ROPN1L: variants seen among roughly 807,000 people sequenced by gnomAD.
The protein encoded by ROPN1L is rhophilin associated tail protein 1 like.
In ROPN1L, 23 loss-of-function variants were observed where a neutral mutation model predicts 22.7. The ratio of observed to expected loss-of-function variants is 1.01; its 90% CI spans 0.73 to 1.43. The LOEUF (loss-of-function observed/expected upper bound fraction) is 1.43, where lower values mean the gene tolerates loss of function less well. ROPN1L is among the 40% of genes most tolerant of loss of function. ROPN1L has a pLI of 0.00. For synonymous variants in ROPN1L, 116 were observed against 117.8 expected (o/e 0.98, Z 0.10); for missense variants, 271 against 291.5 (o/e 0.93, Z 0.51).
chr5:10,443,573 G>A (rs938505993), intron 1 of ROPN1L, among the ~76,000 whole-genome samples: 37 of 151,452 alleles, frequency 2.4e-4, no homozygotes, highest in African/African-American at 9.0e-4. Flanking sequence ...AGTGAGCCGA[G>A]ATTGCGCCAC....
intron 2 of ROPN1L, among the ~76,000 whole-genome samples, chr5:10,448,866 C>A (rs2278354): frequency 0.71 from 107,553 of 152,100 alleles, 41,624 homozygotes; most frequent in Non-Finnish European, 0.88. Context: ...AGCCTGGGCC[C>A]CCTTCCTGCC....
intron 4 of ROPN1L, chr5:10,471,744 C>T (rs1195334001): frequency 1.3e-5 from 2 of 152,472 alleles, no homozygotes; most frequent in Non-Finnish European, 2.9e-5. Flanking sequence ...CACATCCCCC[C>T]AGGGAGGTGA....
chr5:10,478,486 G>A, the ROPN1L span, among the ~76,000 whole-genome samples: 1 of 152,148 alleles, frequency 6.6e-6, no homozygotes, highest in Non-Finnish European at 1.5e-5. Context: ...CTGGGGGTGG[G>A]GGTCCTTCCT....
chr5:10,470,510 C>T (rs1354523343), intron 4 of ROPN1L, among the ~76,000 whole-genome samples: 2 of 152,196 alleles, frequency 1.3e-5, no homozygotes, highest in Non-Finnish European at 2.9e-5. Flanking sequence ...CCCGTTCTGG[C>T]TTTTGGTAAG....
chr5:10,451,624 C>T (rs898448366), intron 3 of ROPN1L, among the ~76,000 whole-genome samples: 4 of 152,230 alleles, frequency 2.6e-5, no homozygotes, highest in African/African-American at 4.8e-5. Context: ...GCGCAGTTCA[C>T]CAGCTCTGCA....
At chr5:10,464,324 A>G (rs1043888487) in intron 4 of ROPN1L, among the ~76,000 whole-genome samples, 1 of 152,130 alleles carries the variant, frequency 6.6e-6, no homozygotes, top group Admixed American at 6.5e-5. Context: ...CTGCAGTCAC[A>G]TGGACGACAC....
At chr5:10,479,218 G>A in the ROPN1L span, among the ~76,000 whole-genome samples, 1 of 152,168 alleles carries the variant, frequency 6.6e-6, no homozygotes, top group African/African-American at 2.4e-5. Context: ...AAGTGACACT[G>A]GTCTACAATG....
At chr5:10,442,440 G>A (rs1368206156) in intron 1 of ROPN1L, 142 bp downstream of exon 1, 21 of 1,014,500 alleles carry the variant, frequency 2.1e-5, no homozygotes, top group Non-Finnish European at 2.7e-5. Flanking sequence ...CTTAGCATTG[G>A]TGACATCTAT....
At chr5:10,459,480 C>G (rs1279518064) in intron 3 of ROPN1L, among the ~76,000 whole-genome samples, 2 of 152,090 alleles carry the variant, frequency 1.3e-5, no homozygotes, top group Non-Finnish European at 2.9e-5. Context: ...TCCCATAGAC[C>G]CCAGCCAAAG....
chr5:10,448,433 T>C (rs750403911), intron 2 of ROPN1L, 50 bp downstream of exon 2: 2 of 1,610,340 alleles, frequency 1.2e-6, no homozygotes, highest in Admixed American at 3.3e-5. Context: ...TGTGCTTTCC[T>C]TACCGTTCAC....
chr5:10,448,260 C>A lies in ROPN1L; in HGVS notation c.132C>A (p.Gly44=), dbSNP rs1433549867. The A allele has an allele frequency of 6.2e-7, 1 of 1,613,950 alleles. No homozygotes were observed. The highest frequency in any genetic ancestry group is 8.5e-7 in the Non-Finnish European group (1 of 1,179,948). ...TTCAGAGATGTCTGTTATTTATTAGCTATTTTTCAGCTCTGTCGAGAGGAG... is the reference window on the plus strand; with the variant it reads ...TTCAGAGATGTCTGTTATTTATTAGATATTTTTCAGCTCTGTCGAGAGGAG... ...QPADVLRWSA[G]YFSALSRGDP... Residue 44 remains glycine, a splice_region_variant and synonymous_variant, in exon 2 of 5, where the codon GGC becomes GGA. Transcript: ENST00000274134.
intron 3 of ROPN1L, among the ~76,000 whole-genome samples, chr5:10,454,114 T>C (rs75678907): frequency 0.016 from 2,241 of 140,992 alleles, 59 homozygotes; most frequent in African/African-American, 0.052. Context: ...ATTTGTATGT[T>C]GTGGCTTTTA....
downstream of ROPN1L, among the ~76,000 whole-genome samples, chr5:10,472,632 A>G (rs1735267182): frequency 6.6e-6 from 1 of 152,148 alleles, no homozygotes; most frequent in East Asian, 1.9e-4. Flanking sequence ...CATCCCCCAA[A>G]CAGCAATTTC....
intron 3 of ROPN1L, among the ~76,000 whole-genome samples, chr5:10,454,386 G>A (rs1013429474): frequency 2.0e-5 from 3 of 152,178 alleles, no homozygotes; most frequent in South Asian, 2.1e-4. Context: ...GCCTCCCAAA[G>A]TTCTGAGATT....
At chr5:10,472,572 C>T (rs542165453), downstream of ROPN1L, among the ~76,000 whole-genome samples, 49 of 152,256 alleles carry the variant, frequency 3.2e-4, 1 homozygote, top group Non-Finnish European at 2.1e-4. Flanking sequence ...CACTAACATA[C>T]GTGACACTGT....
intron 3 of ROPN1L, among the ~76,000 whole-genome samples, chr5:10,452,521 A>G (rs1242951250): frequency 2.0e-5 from 3 of 151,050 alleles, no homozygotes; most frequent in African/African-American, 7.3e-5. Flanking sequence ...TATTTTTAGT[A>G]GAGACAGCGT....
chr5:10,469,283 C>G (rs571955604), downstream of ROPN1L, among the ~76,000 whole-genome samples: 63 of 149,782 alleles, frequency 4.2e-4, no homozygotes, highest in African/African-American at 1.6e-3. Context: ...GAGACCAGCC[C>G]TAGCAATGGA....
downstream of ROPN1L, among the ~76,000 whole-genome samples, chr5:10,474,751 A>C (rs146995684): frequency 4.7e-4 from 72 of 152,364 alleles, no homozygotes; most frequent in Middle Eastern, 3.4e-3. Context: ...TTTGTTATAG[A>C]ACAATAGAAA....
At chr5:10,445,173 T>TGTTG (rs1264067874) in intron 1 of ROPN1L, among the ~76,000 whole-genome samples, 1 of 152,092 alleles carries the variant, frequency 6.6e-6, no homozygotes, top group Non-Finnish European at 1.5e-5. Context: ...GGTTTCACCA[T>TGTTG]GTTGGCCACG....
Sources: allele counts gnomAD v4.1 joint callset (sites outside exome capture counted in the v4.1 genomes callset), GRCh38; gene constraint gnomAD v4.1.1; transcripts MANE v1.5; gene names NCBI Gene and HGNC (gene_info 2026-07-23, HGNC 2026-07-21).